BEND4: variants seen among roughly 807,000 people sequenced by gnomAD.
BEND4 encodes BEN domain-containing protein 4.
A neutral mutation model predicts 54.7 loss-of-function variants in BEND4; 27 were observed. The observed-to-expected ratio is 0.49, with a 90% CI of 0.36 to 0.68. The LOEUF is 0.68. BEND4 is among the 30% of genes least tolerant of loss of function. The pLI, the probability that BEND4 is intolerant of heterozygous loss-of-function variation, is 0.00. For synonymous variants in BEND4, 327 were observed against 299.5 expected (o/e 1.09, Z -0.95); for missense variants, 702 against 697.2 (o/e 1.01, Z -0.08).
chr4:42,124,558 C>T (rs763203172), intron 4 of BEND4, among the ~76,000 whole-genome samples: 4 of 152,014 alleles, frequency 2.6e-5, no homozygotes, highest in Non-Finnish European at 5.9e-5. Flanking sequence ...AGGTGAGGGC[C>T]TGGGGTGACC....
At chr4:42,147,817 C>T (rs910018970) in intron 2 of BEND4, among the ~76,000 whole-genome samples, 4 of 152,048 alleles carry the variant, frequency 2.6e-5, no homozygotes, top group African/African-American at 9.7e-5. Context: ...CATCCTATAT[C>T]TGATAAGTGA....
At chr4:42,135,063 G>A (rs569961052) in intron 3 of BEND4, among the ~76,000 whole-genome samples, 1 of 152,174 alleles carries the variant, frequency 6.6e-6, no homozygotes, top group Non-Finnish European at 1.5e-5. Flanking sequence ...GGGCTGTTTG[G>A]GGGAGAGACC....
Position 42,151,735 on chromosome 4 carries a change from T to C in BEND4, c.409A>G (p.Arg137Gly). Residue 137 changes from arginine (R) to glycine (G), a missense_variant, in exon 2 of 6, where the codon AGG becomes GGG. Arg to Gly is a moderately radical substitution (Grantham distance 125). Transcript: ENST00000502486. ...GCCGCCGCCGCGCCTGGGCCATACC[T>C]GACGACAGCGGCGAACGAAGACGAC... ...SSSSSFAAVV[R>G]YGPGAAAAAG... 2 of 1,502,426 alleles carry C rather than the reference T, an allele frequency of 1.3e-6. No homozygotes were observed. Among genetic ancestry groups the C allele is most frequent in the South Asian group, 1.2e-5 (1 of 80,664 alleles). The allele number at this position is 1,502,426 out of a possible 1,614,324, so 93.1% of individuals were successfully genotyped here.
rs1025942763 is a variant in BEND4 at position 42,115,576 on chromosome 4, T to G, written c.*1942A>C. 6.6e-6 allele frequency: 1 copy of G among 152,176 alleles called. No individual in the cohort carries two copies. The highest frequency in any genetic ancestry group is 2.4e-5 in the African/African-American group (1 of 41,446). 9.4% of individuals were successfully genotyped at this position (152,176 alleles called of 1,614,324 possible). A position where few individuals can be genotyped will look rare whatever the true frequency, so the allele number is the denominator to read the frequency against. On this transcript the variant is annotated 3_prime_UTR_variant, in exon 6 of 6. Coordinates refer to ENST00000502486, the MANE Select transcript of BEND4 (RefSeq NM_207406.4). ...AGCAGTAAGGACAACTTAAGGCCAA[T>G]GAAAAATTAAGGTAAGATGGAAAAA...
intron 3 of BEND4, among the ~76,000 whole-genome samples, chr4:42,128,312 C>T (rs1267561605): frequency 1.3e-5 from 2 of 152,260 alleles, no homozygotes; most frequent in African/African-American, 4.8e-5. Context: ...TCTCTCACCA[C>T]TCCTATTCAA....
chr4:42,122,338 G>C (rs779008402), intron 4 of BEND4, among the ~76,000 whole-genome samples: 11 of 152,082 alleles, frequency 7.2e-5, no homozygotes, highest in Non-Finnish European at 1.2e-4. Context: ...GAGACCAGCC[G>C]TCTCCCACCA....
rs1048614111 is a variant in BEND4 at position 42,113,011 on chromosome 4, C to T, written c.*4507G>A. ...CTGAAAGCAGCCATCACTATGTTTA[C>T]AAAAATACATCATAATGATACATAC... On this transcript the variant is annotated 3_prime_UTR_variant, in exon 6 of 6. Coordinates refer to ENST00000502486, the MANE Select transcript of BEND4 (RefSeq NM_207406.4). 7 of 152,158 alleles carry T rather than the reference C, an allele frequency of 4.6e-5. No individual in the cohort carries two copies. The highest frequency in any genetic ancestry group is 1.7e-4 in the African/African-American group (7 of 41,438). The allele number at this position is 152,158 out of a possible 1,614,324, so 9.4% of individuals were successfully genotyped here. A position where few individuals can be genotyped will look rare whatever the true frequency, so the allele number is the denominator to read the frequency against.
chr4:42,131,414 T>C (rs1720504371), intron 3 of BEND4, among the ~76,000 whole-genome samples: 1 of 152,338 alleles, frequency 6.6e-6, no homozygotes, highest in South Asian at 2.1e-4. Flanking sequence ...ATTAGGGTAG[T>C]TAAGACCTTT....
Position 42,125,619 on chromosome 4 carries a change from T to C in BEND4, c.1110A>G (p.Gln370=), listed in dbSNP as rs1577750831. The change falls in exon 4 of 6, where the codon CAA becomes CAG. Residue 370 remains glutamine (Q), a synonymous_variant. Transcript: ENST00000502486. Reference sequence around the variant, plus strand: ...GGTCAGCTGGCTGTGGTATCAGGAGTTGGTTGTGGTGCTGCAGAACCATCT... The same window carrying C: ...GGTCAGCTGGCTGTGGTATCAGGAGCTGGTTGTGGTGCTGCAGAACCATCT... The part of the protein sequence containing the change: ...YLKMVLQHHN[Q]LLIPQPADQP... 6.2e-7 allele frequency: 1 copy of C among 1,613,476 alleles called. No individual in the cohort carries two copies. The highest frequency in any genetic ancestry group is 2.2e-5 in the East Asian group (1 of 44,886).
intron 3 of BEND4, among the ~76,000 whole-genome samples, chr4:42,143,207 C>A (rs577147620): frequency 1.3e-5 from 2 of 152,282 alleles, no homozygotes; most frequent in East Asian, 3.9e-4. Flanking sequence ...AGTAAACAGG[C>A]TAGTGGCTCC....
chr4:42,141,911 A>AT (rs879798308), intron 3 of BEND4, among the ~76,000 whole-genome samples: 47 of 147,670 alleles, frequency 3.2e-4, no homozygotes, highest in African/African-American at 5.7e-4. Context: ...AAGCTTAAAC[A>AT]TTTTTTTTTT....
At position 42,134,361 on chromosome 4, in the gene BEND4, C is replaced by T. The variant is rs550545240; in HGVS notation, c.1055-8687G>A. On this transcript the variant is annotated intron_variant, in intron 3 of 5. Transcript: ENST00000502486. ...CCATGTGTGTGTTTAATCATCTTTACGTGCCCTATTCACATCATCTCTGTA... is the reference window on the plus strand; with the variant it reads ...CCATGTGTGTGTTTAATCATCTTTATGTGCCCTATTCACATCATCTCTGTA... Among the ~76,000 whole-genome samples the T allele has an allele frequency of 5.3e-5, 8 of 152,304 alleles. No individual in the cohort carries two copies. The South Asian group carries it at 1.5e-3, about 28-fold the overall frequency.
chr4:42,136,364 T>C (rs959644103), intron 3 of BEND4, among the ~76,000 whole-genome samples: 1 of 152,252 alleles, frequency 6.6e-6, no homozygotes, highest in Non-Finnish European at 1.5e-5. Flanking sequence ...TGGACTAACA[T>C]GATCAGAACT....
chr4:42,143,799 T>A lies in BEND4; in HGVS notation c.683A>T (p.Asn228Ile). The change falls in exon 3 of 6, where the codon AAT becomes ATT. Residue 228 changes from asparagine (N) to isoleucine (I), a missense_variant. Physicochemically the swap from Asn to Ile is moderately radical, Grantham distance 149 (BLOSUM62 -3). Transcript: ENST00000502486. ...GKGVHSQTSDNVDIEMQYMQR... is the reference protein window; with the variant it reads ...GKGVHSQTSDIVDIEMQYMQR... Reference sequence around the variant, plus strand: ...CATATACTGCATCTCTATGTCTACATTGTCTGAGGTCTGACTGTGGACCCC... The same window carrying A: ...CATATACTGCATCTCTATGTCTACAATGTCTGAGGTCTGACTGTGGACCCC... 1 of 1,607,260 alleles carries A rather than the reference T, an allele frequency of 6.2e-7. No individual in the cohort carries two copies. The highest frequency in any genetic ancestry group is 8.5e-7 in the Non-Finnish European group (1 of 1,176,572).
Position 42,116,150 on chromosome 4 carries a change from C to T in BEND4, c.*1368G>A, listed in dbSNP as rs1188668395. On this transcript the variant is annotated 3_prime_UTR_variant, in exon 6 of 6. Transcript: ENST00000502486. ...ATGGATGCTCATTAACCTGAATCTC[C>T]AACCAATTTTCAAAAACCCTTGGTC... The T allele has an allele frequency of 6.6e-6, 1 of 152,176 alleles. No individual in the cohort carries two copies. The highest frequency in any genetic ancestry group is 1.9e-4 in the East Asian group (1 of 5,188). The allele number at this position is 152,176 out of a possible 1,614,324, so 9.4% of individuals were successfully genotyped here.
chr4:42,117,246 C>T lies in BEND4; in HGVS notation c.*272G>A, dbSNP rs1053959255. On this transcript the variant is annotated 3_prime_UTR_variant, in exon 6 of 6. Transcript: ENST00000502486. ...TTTCAGAAAGGTAACTAGGAGCTCA[C>T]CTATTTTTTCACCCTCATGATCTAG... 3.3e-6 allele frequency: 1 copy of T among 299,480 alleles called. No individual in the cohort carries two copies. The highest frequency in any genetic ancestry group is 2.2e-5 in the African/African-American group (1 of 45,598). 18.6% of individuals were successfully genotyped at this position (299,480 alleles called of 1,614,324 possible). A position where few individuals can be genotyped will look rare whatever the true frequency, so the allele number is the denominator to read the frequency against.
At chr4:42,117,797 G>A in intron 5 of BEND4, 62 bp from the exon 6 acceptor site, 1 of 1,158,076 alleles carries the variant, frequency 8.6e-7, no homozygotes, top group Non-Finnish European at 1.2e-6. Context: ...TTTTGCAGAA[G>A]ATGACAGGGC....
At position 42,116,945 on chromosome 4, in the gene BEND4, A is replaced by G. The variant is rs1463653221; in HGVS notation, c.*573T>C. 2.0e-5 allele frequency: 3 copies of G among 152,234 alleles called. No individual in the cohort carries two copies. Among genetic ancestry groups the G allele is most frequent in the African/African-American group, 4.8e-5 (2 of 41,454 alleles). 9.4% of individuals were successfully genotyped at this position (152,234 alleles called of 1,614,324 possible). A position where few individuals can be genotyped will look rare whatever the true frequency, so the allele number is the denominator to read the frequency against. On this transcript the variant is annotated 3_prime_UTR_variant, in exon 6 of 6. Coordinates refer to ENST00000502486, the MANE Select transcript of BEND4 (RefSeq NM_207406.4). ...CAGAAAAACAGTTGACCTGTAATTA[A>G]TCACTGTCTGCAGATGTTGCCTCTG...
At chr4:42,136,772 G>C (rs761898061) in intron 3 of BEND4, among the ~76,000 whole-genome samples, 16 of 152,208 alleles carry the variant, frequency 1.1e-4, no homozygotes, top group South Asian at 2.1e-4. Context: ...AGAAGACTGT[G>C]ATGTGCCTTA....
Sources: gnomAD v4.1 joint callset for allele counts (sites outside exome capture counted in the v4.1 genomes callset) on GRCh38, gnomAD v4.1.1 for gene constraint, MANE v1.5 for transcripts, NCBI Gene and HGNC (gene_info 2026-07-23, HGNC 2026-07-21) for gene names.